MACROD2: variants seen among roughly 807,000 people sequenced by gnomAD.
The protein encoded by MACROD2 is mono-ADP ribosylhydrolase 2.
In MACROD2, 36 loss-of-function variants were observed where a neutral mutation model predicts 70.4. That is an observed-to-expected ratio of 0.51 (90% CI 0.39 to 0.68). The LOEUF (loss-of-function observed/expected upper bound fraction) is 0.68, where lower values mean the gene tolerates loss of function less well. MACROD2 is among the 30% of genes least tolerant of loss of function. The probability of loss-of-function intolerance (pLI) is 0.00; values close to 1 mark genes in which losing one functional copy is unlikely to be tolerated. For synonymous variants in MACROD2, 172 were observed against 178.8 expected, an observed-to-expected ratio of 0.96 and a Z score of 0.30; for missense variants, 496 against 538.4, an observed-to-expected ratio of 0.92 and a Z score of 0.78.
chr20:14,639,529 G>T (rs1023371825), intron 4 of MACROD2, among the ~76,000 whole-genome samples: 1 of 152,166 alleles, frequency 6.6e-6, no homozygotes, highest in Middle Eastern at 3.4e-3. Context: ...CCTGTCTGTG[G>T]CCAGACAGGA....
chr20:14,107,955 A>C (rs79090916), intron 3 of MACROD2, among the ~76,000 whole-genome samples: 2,653 of 152,248 alleles, frequency 0.017, 73 homozygotes, highest in African/African-American at 0.06. Flanking sequence ...TTCACTGGTA[A>C]TAGCGCACAG....
intron 3 of MACROD2, among the ~76,000 whole-genome samples, chr20:14,184,624 A>C (rs2081330611): frequency 6.6e-6 from 1 of 151,950 alleles, no homozygotes; most frequent in Admixed American, 6.6e-5. Context: ...TTTGGGCAGT[A>C]GGGCCATTTT....
At chr20:14,077,894 C>CTT (rs58677755) in intron 2 of MACROD2, among the ~76,000 whole-genome samples, 2 of 120,502 alleles carry the variant, frequency 1.7e-5, no homozygotes, top group Admixed American at 8.5e-5. Flanking sequence ...AAAGGTTTTT[C>CTT]TTTTTTTTTT....
At chr20:14,707,602 C>T (rs546596545) in intron 5 of MACROD2, among the ~76,000 whole-genome samples, 35 of 152,194 alleles carry the variant, frequency 2.3e-4, no homozygotes, top group Non-Finnish European at 2.9e-5. Context: ...GCATAAAGAT[C>T]GGGGTGAATT....
intron 3 of MACROD2, among the ~76,000 whole-genome samples, chr20:14,388,691 CA>C (rs1257238253): frequency 6.6e-5 from 10 of 152,146 alleles, no homozygotes; most frequent in African/African-American, 2.4e-4. Context: ...CCGCAGACCT[CA>C]ATCTATGGCA....
chr20:14,545,875 A>G (rs1016766730), intron 4 of MACROD2, among the ~76,000 whole-genome samples: 40 of 152,284 alleles, frequency 2.6e-4, no homozygotes, highest in African/African-American at 8.9e-4. Context: ...ATATATGGGT[A>G]TAGAGATATC....
At chr20:14,860,364 C>A (rs574600960) in intron 5 of MACROD2, among the ~76,000 whole-genome samples, 1 of 150,248 alleles carries the variant, frequency 6.7e-6, no homozygotes, top group African/African-American at 2.5e-5. Flanking sequence ...TTTGGATAAG[C>A]AAAGCAATCT....
intron 6 of MACROD2, among the ~76,000 whole-genome samples, chr20:15,390,478 C>T (rs1011331346): frequency 6.6e-6 from 1 of 152,112 alleles, no homozygotes; most frequent in Non-Finnish European, 1.5e-5. Flanking sequence ...AGAACTGACA[C>T]TTTGTAGCCT....
intron 15 of MACROD2, among the ~76,000 whole-genome samples, chr20:16,022,239 G>C (rs904868341): frequency 1.3e-5 from 2 of 152,052 alleles, no homozygotes; most frequent in African/African-American, 4.8e-5. Context: ...TTTTAGTAGA[G>C]ACGGGGTTTC....
chr20:15,477,099 G>GTTT (rs371999407), intron 7 of MACROD2, among the ~76,000 whole-genome samples: 5,890 of 115,326 alleles, frequency 0.051, 399 homozygotes, highest in Non-Finnish European at 0.067. Context: ...TCTATTTTTA[G>GTTT]TTTTTTTTTT....
intron 5 of MACROD2, among the ~76,000 whole-genome samples, chr20:14,844,795 A>G (rs1401009778): frequency 1.3e-5 from 2 of 152,146 alleles, no homozygotes; most frequent in Admixed American, 6.5e-5. Flanking sequence ...TGGAATTTTA[A>G]CAGAAGAAGA....
chr20:15,042,349 C>T (rs972319662), intron 5 of MACROD2, among the ~76,000 whole-genome samples: 3 of 152,114 alleles, frequency 2.0e-5, no homozygotes, highest in African/African-American at 7.2e-5. Flanking sequence ...GTGGAAGAAA[C>T]AGTAATATAA....
At chr20:15,729,610 T>C (rs1324360209) in intron 8 of MACROD2, among the ~76,000 whole-genome samples, 1 of 152,174 alleles carries the variant, frequency 6.6e-6, no homozygotes, top group African/African-American at 2.4e-5. Context: ...GGTATTCTAG[T>C]TGAACTGATG....
At chr20:14,496,351 A>G (rs745372925) in intron 4 of MACROD2, among the ~76,000 whole-genome samples, 6 of 152,188 alleles carry the variant, frequency 3.9e-5, no homozygotes, top group Non-Finnish European at 7.4e-5. Flanking sequence ...GGCTTCCCCC[A>G]TATTCTATAT....
In MACROD2 at chr20:14,480,846, A is replaced by G. The variant is rs73901258; in HGVS notation, c.272-12633A>G. ...TTTCCATGTCTTAAAGGAGATGACTATTTTATACTTACAGTCGATATAAAT... is the reference window on the plus strand; with the variant it reads ...TTTCCATGTCTTAAAGGAGATGACTGTTTTATACTTACAGTCGATATAAAT... On this transcript the variant is annotated intron_variant, in intron 3 of 17. Coordinates refer to ENST00000684519, the MANE Select transcript of MACROD2 (RefSeq NM_001351661.2). 1.8e-3 allele frequency among the ~76,000 whole-genome samples: 269 copies of G among 152,264 alleles called. 1 individual carries two copies. Among genetic ancestry groups the G allele is most frequent in the African/African-American group, 4.5e-3 (185 of 41,564 alleles).
intron 3 of MACROD2, among the ~76,000 whole-genome samples, chr20:14,101,171 C>A (rs1418910150): frequency 1.3e-5 from 2 of 151,874 alleles, no homozygotes; most frequent in East Asian, 3.9e-4. Flanking sequence ...TGCTTCTCTG[C>A]CCTTTTTATT....
chr20:15,858,338 G>C (rs73099269), intron 8 of MACROD2, among the ~76,000 whole-genome samples: 63 of 152,188 alleles, frequency 4.1e-4, no homozygotes, highest in African/African-American at 1.5e-3. Flanking sequence ...ATTCTTATAG[G>C]TTCTCATGAA....
intron 8 of MACROD2, among the ~76,000 whole-genome samples, chr20:15,736,304 T>G (rs80263795): frequency 6.6e-6 from 1 of 152,320 alleles, no homozygotes; most frequent in East Asian, 1.9e-4. Flanking sequence ...CATAATTAAC[T>G]GTGGTGGTTT....
chr20:15,987,197 G>A (rs756499809), intron 15 of MACROD2, 39 bp downstream of exon 15: 1 of 1,481,212 alleles, frequency 6.8e-7, no homozygotes, highest in South Asian at 1.2e-5. Context: ...AGAATGGAGA[G>A]TTTCTTTGGA....
Sources: allele counts gnomAD v4.1 joint callset (sites outside exome capture counted in the v4.1 genomes callset), GRCh38; gene constraint gnomAD v4.1.1; transcripts MANE v1.5; gene names NCBI Gene and HGNC (gene_info 2026-07-23, HGNC 2026-07-21).